TNPO1: variants seen among roughly 807,000 people sequenced by gnomAD.
TNPO1 encodes transportin 1, also known as transportin-1.
Under a neutral mutation model 119.5 loss-of-function variants are expected in TNPO1, and 8 were observed. That is an observed-to-expected ratio of 0.07 (90% CI 0.04 to 0.12). The LOEUF (loss-of-function observed/expected upper bound fraction) is 0.12, where lower values mean the gene tolerates loss of function less well. Among genes scored for constraint, TNPO1 ranks in the 10% least tolerant of loss-of-function variants. TNPO1 has a pLI of 1.00. For synonymous variants in TNPO1, 362 were observed against 363.0 expected, an observed-to-expected ratio of 1.00 and a Z score of 0.03; for missense variants, 576 against 1,089.8, an observed-to-expected ratio of 0.53 and a Z score of 6.64.
intron 9 of TNPO1, among the ~76,000 whole-genome samples, chr5:72,880,235 C>A (rs571688658): frequency 6.6e-6 from 1 of 152,132 alleles, no homozygotes; most frequent in East Asian, 1.9e-4. Context: ...ATATTAAGTT[C>A]TATTATCATT....
intron 1 of TNPO1, among the ~76,000 whole-genome samples, chr5:72,825,458 T>G (rs1744163145): frequency 6.6e-6 from 1 of 152,032 alleles, no homozygotes; most frequent in Admixed American, 6.6e-5. Context: ...GAGGCTGAGG[T>G]GGGCGGATCA....
intron 6 of TNPO1, among the ~76,000 whole-genome samples, chr5:72,869,277 T>G (rs1159047625): frequency 6.6e-6 from 1 of 152,186 alleles, no homozygotes; most frequent in Non-Finnish European, 1.5e-5. Flanking sequence ...CAGGGCGTAG[T>G]GGCTCACACC....
intron 20 of TNPO1, among the ~76,000 whole-genome samples, chr5:72,897,657 G>C (rs1749531052): frequency 6.8e-6 from 1 of 146,806 alleles, no homozygotes; most frequent in Admixed American, 6.8e-5. Context: ...TAGGAAGCTT[G>C]TTTCTCTTTT....
intron 1 of TNPO1, among the ~76,000 whole-genome samples, chr5:72,820,362 A>C (rs1388014581): frequency 6.6e-6 from 1 of 152,208 alleles, no homozygotes; most frequent in African/African-American, 2.4e-5. Context: ...AATTGCTTTT[A>C]CTTAAGGGAA....
At chr5:72,896,362 C>G (rs1579928988) in intron 18 of TNPO1, 96 bp from the exon 19 acceptor site, 1 of 670,794 alleles carries the variant, frequency 1.5e-6, no homozygotes, top group East Asian at 3.4e-5. Context: ...CTTGTTATTT[C>G]TTGCTTAGAT....
rs371553432 is a variant in TNPO1 at position 72,889,268 on chromosome 5, G to A, written c.1530-518G>A. ...AGATGGGGTTTTGTCATGTTGGCCAGGCTGGTCTTGAACTCCTGACCTCAA... is the reference window on the plus strand; with the variant it reads ...AGATGGGGTTTTGTCATGTTGGCCAAGCTGGTCTTGAACTCCTGACCTCAA... On this transcript the variant is annotated intron_variant, in intron 13 of 24. Transcript: ENST00000337273. 4.6e-5 allele frequency among the ~76,000 whole-genome samples: 7 copies of A among 152,168 alleles called. No homozygotes were observed. In the South Asian group the frequency reaches 1.2e-3, roughly 27 times the overall value.
chr5:72,879,903 G>A (rs1397221159), intron 9 of TNPO1, among the ~76,000 whole-genome samples: 1 of 152,270 alleles, frequency 6.6e-6, no homozygotes, highest in African/African-American at 2.4e-5. Flanking sequence ...AAGCACCATT[G>A]TAGGCTGGGC....
chr5:72,907,862 G>A (rs1412707822), intron 24 of TNPO1, among the ~76,000 whole-genome samples: 1 of 151,730 alleles, frequency 6.6e-6, no homozygotes, highest in Non-Finnish European at 1.5e-5. Context: ...TGGGCAACAT[G>A]ATGAGATCTC....
At chr5:72,901,437 A>T (rs1749789879) in intron 22 of TNPO1, among the ~76,000 whole-genome samples, 1 of 152,224 alleles carries the variant, frequency 6.6e-6, no homozygotes, top group African/African-American at 2.4e-5. Flanking sequence ...ACCAAATAGT[A>T]GGAATACTGT....
chr5:72,896,604 T>A, intron 19 of TNPO1, 48 bp downstream of exon 19: 1 of 1,476,754 alleles, frequency 6.8e-7, no homozygotes, highest in Admixed American at 1.7e-5. Context: ...GCGCGGTGGC[T>A]CACGCCTGTA....
intron 11 of TNPO1, 69 bp downstream of exon 11, chr5:72,883,301 C>T (rs760358804): frequency 2.7e-6 from 2 of 754,298 alleles, no homozygotes; most frequent in Non-Finnish European, 4.7e-6. Flanking sequence ...AATTCATCTA[C>T]TGTACAGTTT....
intron 1 of TNPO1, among the ~76,000 whole-genome samples, chr5:72,830,158 A>T (rs988287344): frequency 1.3e-5 from 2 of 152,176 alleles, no homozygotes; most frequent in Non-Finnish European, 2.9e-5. Flanking sequence ...CATAAAAAGG[A>T]TAAGGTGCTA....
rs1750618483 is a variant in TNPO1 at position 72,912,287 on chromosome 5, T to A, written c.*3614T>A. On this transcript the variant is annotated 3_prime_UTR_variant, in exon 25 of 25. Transcript: ENST00000337273. Reference sequence around the variant, plus strand: ...GCATACATTTTGTAATTAACATTGATAAACACTGTGATTTTTTTGGTTAAG... The same window carrying A: ...GCATACATTTTGTAATTAACATTGAAAAACACTGTGATTTTTTTGGTTAAG... 6.6e-6 allele frequency: 1 copy of A among 152,562 alleles called. No individual in the cohort carries two copies. The highest frequency in any genetic ancestry group is 2.4e-5 in the African/African-American group (1 of 41,470). The allele number at this position is 152,562 out of a possible 1,614,324, so 9.5% of individuals were successfully genotyped here. A position where few individuals can be genotyped will look rare whatever the true frequency, so the allele number is the denominator to read the frequency against.
intron 6 of TNPO1, among the ~76,000 whole-genome samples, chr5:72,868,694 ATATATCT>A (rs1747142957): frequency 6.6e-6 from 1 of 151,950 alleles, no homozygotes; most frequent in African/African-American, 2.4e-5. Context: ...TTGAATTCTG[ATATATCT>A]TAGAGCAAAA....
intron 8 of TNPO1, among the ~76,000 whole-genome samples, chr5:72,876,140 T>TA (rs1156817473): frequency 2.0e-5 from 3 of 152,246 alleles, no homozygotes; most frequent in African/African-American, 7.2e-5. Flanking sequence ...ATTGAAAGTT[T>TA]AGTGTTAACT....
chr5:72,890,318 C>T (rs79652887), intron 14 of TNPO1, among the ~76,000 whole-genome samples: 45 of 152,252 alleles, frequency 3.0e-4, no homozygotes, highest in Non-Finnish European at 6.3e-4. Flanking sequence ...AGTACCATAT[C>T]TAGACATCTT....
chr5:72,867,315 A>T (rs573184619), intron 6 of TNPO1, among the ~76,000 whole-genome samples: 7 of 152,226 alleles, frequency 4.6e-5, no homozygotes, highest in Admixed American at 4.6e-4. Context: ...TCCATCTTTA[A>T]TATGATATTC....
intron 1 of TNPO1, among the ~76,000 whole-genome samples, chr5:72,837,284 C>G (rs924531346): frequency 5.9e-5 from 9 of 152,180 alleles, no homozygotes; most frequent in African/African-American, 2.2e-4. Context: ...ATTAGGTGTG[C>G]TATGAAATCT....
intron 7 of TNPO1, among the ~76,000 whole-genome samples, chr5:72,875,270 C>T (rs577479299): frequency 6.6e-6 from 1 of 152,320 alleles, no homozygotes; most frequent in East Asian, 1.9e-4. Flanking sequence ...TACCACCTCT[C>T]ACCTTAAAAA....
Sources: gnomAD v4.1 joint callset for allele counts (sites outside exome capture counted in the v4.1 genomes callset) on GRCh38, gnomAD v4.1.1 for gene constraint, MANE v1.5 for transcripts, NCBI Gene and HGNC (gene_info 2026-07-23, HGNC 2026-07-21) for gene names.